Variants in CDH12 observed in about 807,000 individuals in gnomAD.
CDH12 encodes the protein cadherin 12.
A neutral mutation model predicts 74.1 loss-of-function variants in CDH12; 41 were observed. The ratio of observed to expected loss-of-function variants is 0.55; its 90% CI spans 0.43 to 0.72. The LOEUF is 0.72. CDH12 is among the 30% of genes least tolerant of loss of function. The pLI is 0.00. For synonymous variants in CDH12, 399 were observed against 355.0 expected, an observed-to-expected ratio of 1.12 and a Z score of -1.39; for missense variants, 945 against 977.2, an observed-to-expected ratio of 0.97 and a Z score of 0.44.
chr5:22,589,426 C>T lies in CDH12; in HGVS notation c.-522-84062G>A, dbSNP rs111512683. Reference sequence around the variant, plus strand: ...TCCATCAAGATTTTGAGGCCCATGGCTCCTCAAGCTAAACCTGTCACGTTG... The same window carrying T: ...TCCATCAAGATTTTGAGGCCCATGGTTCCTCAAGCTAAACCTGTCACGTTG... On this transcript the variant is annotated intron_variant, in intron 1 of 14. Transcript: ENST00000382254. Among the ~76,000 whole-genome samples, 878 of 152,276 alleles carry T rather than the reference C, an allele frequency of 5.8e-3. 9 individuals are homozygous for T. The highest frequency in any genetic ancestry group is 0.02 in the African/African-American group (839 of 41,560).
chr5:22,385,537 G>A (rs1006673193), intron 3 of CDH12, among the ~76,000 whole-genome samples: 4 of 152,018 alleles, frequency 2.6e-5, no homozygotes, highest in Non-Finnish European at 4.4e-5. Flanking sequence ...ATCCATACAC[G>A]TTTTTCTCAA....
chr5:22,714,739 A>T (rs1404610765), intron 1 of CDH12, among the ~76,000 whole-genome samples: 1 of 152,324 alleles, frequency 6.6e-6, no homozygotes, highest in East Asian at 1.9e-4. Flanking sequence ...GACGTTCTGC[A>T]GTAATCATAT....
intron 4 of CDH12, among the ~76,000 whole-genome samples, chr5:22,164,716 T>G (rs895103018): frequency 6.6e-6 from 1 of 151,056 alleles, no homozygotes; most frequent in African/African-American, 2.4e-5. Flanking sequence ...ATTGGCTATT[T>G]CTTTACCTCC....
chr5:22,785,516 TTTTTG>T (rs1747579168), intron 1 of CDH12, among the ~76,000 whole-genome samples: 1 of 152,078 alleles, frequency 6.6e-6, no homozygotes, highest in South Asian at 2.1e-4. Flanking sequence ...TGTTGGTGGT[TTTTTG>T]TTTTATTTAT....
At chr5:21,932,131 T>A (rs1754869048) in intron 6 of CDH12, among the ~76,000 whole-genome samples, 1 of 152,206 alleles carries the variant, frequency 6.6e-6, no homozygotes, top group Non-Finnish European at 1.5e-5. Context: ...TTACTTTTAA[T>A]CATAAGATAG....
chr5:22,452,813 G>A (rs1481480127), intron 2 of CDH12, among the ~76,000 whole-genome samples: 3 of 119,954 alleles, frequency 2.5e-5, no homozygotes, highest in African/African-American at 9.8e-5. Context: ...AAAAATATTT[G>A]CAAACTAGAC....
chr5:22,580,013 C>T (rs1740001098), intron 1 of CDH12, among the ~76,000 whole-genome samples: 1 of 152,114 alleles, frequency 6.6e-6, no homozygotes, highest in Non-Finnish European at 1.5e-5. Flanking sequence ...TCCCCGCTCA[C>T]ATTAACTCTA....
intron 6 of CDH12, among the ~76,000 whole-genome samples, chr5:21,868,891 A>G (rs1393281551): frequency 1.3e-5 from 2 of 152,144 alleles, no homozygotes; most frequent in South Asian, 2.1e-4. Context: ...AAAGGACATT[A>G]ATTTTGAGGG....
intron 1 of CDH12, among the ~76,000 whole-genome samples, chr5:22,799,866 G>A (rs1425850922): frequency 6.6e-6 from 1 of 152,076 alleles, no homozygotes; most frequent in Non-Finnish European, 1.5e-5. Flanking sequence ...TGCTCTTAAA[G>A]TTTTACTACT....
intron 6 of CDH12, among the ~76,000 whole-genome samples, chr5:21,897,270 G>C (rs1753168848): frequency 6.6e-6 from 1 of 152,150 alleles, no homozygotes. Context: ...AAATGTATTG[G>C]TCAGTACTAT....
chr5:22,096,406 C>T lies in CDH12; in HGVS notation c.-186-17544G>A, dbSNP rs140244630. Among the ~76,000 whole-genome samples the T allele has an allele frequency of 7.6e-3, 1,162 of 152,152 alleles. 13 individuals carry two copies. Among genetic ancestry groups the T allele is most frequent in the African/African-American group, 0.02 (824 of 41,494 alleles). Reference sequence around the variant, plus strand: ...CTCATCCCAAATCTTCCTTCCCTCCCGCCGGTCCCCTCAGTCCCAACCCCA... The same window carrying T: ...CTCATCCCAAATCTTCCTTCCCTCCTGCCGGTCCCCTCAGTCCCAACCCCA... On this transcript the variant is annotated intron_variant, in intron 4 of 14. Coordinates refer to ENST00000382254, the MANE Select transcript of CDH12 (RefSeq NM_004061.5).
chr5:22,469,535 G>C (rs1745871789), intron 2 of CDH12, among the ~76,000 whole-genome samples: 1 of 121,362 alleles, frequency 8.2e-6, no homozygotes, highest in South Asian at 2.5e-4. Context: ...GCTCACTCCA[G>C]TGACTATTTT....
At chr5:22,094,778 G>A (rs1211770488) in intron 4 of CDH12, among the ~76,000 whole-genome samples, 1 of 152,090 alleles carries the variant, frequency 6.6e-6, no homozygotes, top group Non-Finnish European at 1.5e-5. Context: ...GCCGGTTCCT[G>A]CCTTAACTGA....
intron 1 of CDH12, among the ~76,000 whole-genome samples, chr5:22,752,747 ATT>A (rs1184223872): frequency 1.4e-5 from 2 of 146,056 alleles, no homozygotes; most frequent in East Asian, 2.0e-4. Context: ...AATTTTTTGT[ATT>A]TTTTTACTAG....
At chr5:22,595,153 T>A (rs572716288) in intron 1 of CDH12, among the ~76,000 whole-genome samples, 1 of 152,302 alleles carries the variant, frequency 6.6e-6, no homozygotes, top group Admixed American at 6.5e-5. Flanking sequence ...TAAACAAAAT[T>A]GTTATTCCTT....
At chr5:22,808,112 C>T (rs1032635681) in intron 1 of CDH12, among the ~76,000 whole-genome samples, 20 of 152,146 alleles carry the variant, frequency 1.3e-4, no homozygotes, top group African/African-American at 4.8e-4. Flanking sequence ...AAATGATTTT[C>T]AAAGAACTGA....
intron 4 of CDH12, among the ~76,000 whole-genome samples, chr5:22,082,901 T>C (rs543401547): frequency 6.6e-6 from 1 of 152,336 alleles, no homozygotes; most frequent in African/African-American, 2.4e-5. Flanking sequence ...TGCATTTCTC[T>C]CTCAAAGTAG....
rs529343514 is a variant in CDH12 at position 21,984,107 on chromosome 5, A to C, written c.232-8722T>G. The stretch of plus-strand genomic sequence containing the variant: ...CCTGATAACTCTGAGTTTCCTGTTC[A>C]TATTTAAGAATAAATAACCTAATTT... On this transcript the variant is annotated intron_variant, in intron 5 of 14. Transcript: ENST00000382254. Among the ~76,000 whole-genome samples the C allele has an allele frequency of 1.8e-3, 268 of 152,250 alleles. 3 individuals carry two copies. Among genetic ancestry groups the C allele is most frequent in the African/African-American group, 5.9e-3 (245 of 41,562 alleles).
At chr5:22,173,868 A>C (rs1749185569) in intron 4 of CDH12, among the ~76,000 whole-genome samples, 1 of 151,904 alleles carries the variant, frequency 6.6e-6, no homozygotes, top group Non-Finnish European at 1.5e-5. Flanking sequence ...TCTAGAAAAA[A>C]TAGTTGAGCC....
Sources: gnomAD v4.1 joint callset for allele counts (sites outside exome capture counted in the v4.1 genomes callset) on GRCh38, gnomAD v4.1.1 for gene constraint, MANE v1.5 for transcripts, NCBI Gene and HGNC (gene_info 2026-07-23, HGNC 2026-07-21) for gene names.